Variants in LGI4 observed in about 807,000 individuals in gnomAD.
LGI4 encodes leucine-rich repeat LGI family member 4.
A neutral mutation model predicts 48.3 loss-of-function variants in LGI4; 36 were observed. The ratio of observed to expected loss-of-function variants is 0.75; its 90% CI spans 0.57 to 0.98. The LOEUF (loss-of-function observed/expected upper bound fraction) is 0.98, where lower values mean the gene tolerates loss of function less well. Among genes scored for constraint, LGI4 ranks in the 50% least tolerant of loss-of-function variants. LGI4 has a pLI of 0.00. For missense variants in LGI4, 701 were observed against 732.1 expected, an observed-to-expected ratio of 0.96 and a Z score of 0.49; for synonymous variants, 355 against 331.6, an observed-to-expected ratio of 1.07 and a Z score of -0.77.
chr19:35,127,793 G>T (rs1687999), intron 6 of LGI4, among the ~76,000 whole-genome samples: 93,419 of 152,084 alleles, frequency 0.61, 28,987 homozygotes, highest in South Asian at 0.71. Context: ...TACATTCTGT[G>T]ATGATTTCCC....
intron 8 of LGI4, 89 bp downstream of exon 8, chr19:35,126,181 T>G (rs1269731729): frequency 7.0e-7 from 1 of 1,422,356 alleles, no homozygotes; most frequent in African/African-American, 1.4e-5. Context: ...AAGGTCGGCA[T>G]GTGAGGGTAG....
intron 5 of LGI4, 64 bp downstream of exon 5, chr19:35,131,725 G>T: frequency 1.4e-6 from 2 of 1,427,936 alleles, no homozygotes; most frequent in Non-Finnish European, 1.9e-6. Context: ...AAGTGGGCAC[G>T]GATGCCCCCC....
At position 35,124,917 on chromosome 19, in the gene LGI4, C is replaced by T. The variant is rs894731499; in HGVS notation, c.*276G>A. ...CATGCAGTGCACCAGCCTGCACCCCCCAGGTTGCCTTTGATGGGGAATCTG... is the reference window on the plus strand; with the variant it reads ...CATGCAGTGCACCAGCCTGCACCCCTCAGGTTGCCTTTGATGGGGAATCTG... On this transcript the variant is annotated 3_prime_UTR_variant, in exon 9 of 9. Transcript: ENST00000310123. 46 of 330,278 alleles carry T rather than the reference C, an allele frequency of 1.4e-4. No homozygotes were observed. The highest frequency in any genetic ancestry group is 2.4e-4 in the Non-Finnish European group (44 of 181,154). The allele number at this position is 330,278 out of a possible 1,614,324, so 20.5% of individuals were successfully genotyped here. A position where few individuals can be genotyped will look rare whatever the true frequency, so the allele number is the denominator to read the frequency against.
intron 2 of LGI4, 45 bp from the exon 3 acceptor site, chr19:35,133,809 CATCT>C: frequency 1.3e-6 from 2 of 1,556,970 alleles, no homozygotes; most frequent in Non-Finnish European, 1.7e-6. Context: ...TTGCAGCCCC[CATCT>C]GACATTTTAA....
At chr19:35,131,661 T>A (rs1600475255) in intron 5 of LGI4, 106 bp from the exon 6 acceptor site, 1 of 1,444,054 alleles carries the variant, frequency 6.9e-7, no homozygotes, top group East Asian at 2.5e-5. Flanking sequence ...GGCCCCATAG[T>A]GGTAAGAAAA....
At chr19:35,130,067 C>T (rs1254987149) in intron 6 of LGI4, among the ~76,000 whole-genome samples, 3 of 152,144 alleles carry the variant, frequency 2.0e-5, no homozygotes, top group Non-Finnish European at 2.9e-5. Flanking sequence ...TTATTTATGA[C>T]ACAGAGTCCT....
rs1468516448 is a variant in LGI4 at position 35,133,774 on chromosome 19, G to A, written c.243-10C>T. 1 of 1,599,786 alleles carries A rather than the reference G, an allele frequency of 6.3e-7. No homozygotes were observed. Among genetic ancestry groups the A allele is most frequent in the South Asian group, 1.1e-5 (1 of 88,086 alleles). On this transcript the variant is annotated splice_polypyrimidine_tract_variant and intron_variant, in intron 2 of 8. Transcript: ENST00000310123. ...GTTGGAGGTGAAGAGGCTGGCAAGG[G>A]GGCAAGAAAGAAATTTTTCCAGAAT... is the stretch of plus-strand genomic sequence containing the variant.
intron 6 of LGI4, among the ~76,000 whole-genome samples, chr19:35,128,334 C>T (rs940218326): frequency 3.9e-5 from 6 of 152,178 alleles, no homozygotes; most frequent in African/African-American, 1.4e-4. Context: ...CAGGTGCCAG[C>T]GTTGAAGCAA....
At chr19:35,133,004 G>GACCC (rs2065185965) in intron 3 of LGI4, among the ~76,000 whole-genome samples, 4 of 151,840 alleles carry the variant, frequency 2.6e-5, no homozygotes, top group Non-Finnish European at 5.9e-5. Flanking sequence ...ATACTGTAAT[G>GACCC]ACCCACCCCC....
Position 35,125,322 on chromosome 19 carries a change from C to G in LGI4, c.1485G>C (p.Gly495=). 1 of 1,612,310 alleles carries G rather than the reference C, an allele frequency of 6.2e-7. No homozygotes were observed. The highest frequency in any genetic ancestry group is 1.3e-5 in the African/African-American group (1 of 74,996). ...CACGGGGGGCCACCAGGGCCGGAGG[C>G]CCCAGCTCCTGCAGTGGCTCCAGGA... ...KGLLEPLQEL[G]PPALVAPRAF... is the part of the protein sequence containing the mutation. The change falls in exon 9 of 9, where the codon GGG becomes GGC. Residue 495 remains glycine (G), a synonymous_variant. Coordinates refer to ENST00000310123, the MANE Select transcript of LGI4 (RefSeq NM_139284.3).
In LGI4 at chr19:35,125,281, G is replaced by A; in HGVS notation, c.1526C>T (p.Thr509Ile). The A allele has an allele frequency of 1.2e-6, 2 of 1,605,760 alleles. No homozygotes were observed. The highest frequency in any genetic ancestry group is 2.2e-5 in the East Asian group (1 of 44,666). ...AAAGAGGAAGCGTCTGCCGGCCATA[G>A]TGATGTGGGCAAAGGCACGGGGGGC... ...LVAPRAFAHI[T>I]MAGRRFLFAA... The change falls in exon 9 of 9, where the codon ACT becomes ATT. Residue 509 changes from threonine to isoleucine, a missense_variant. Transcript: ENST00000310123.
In LGI4 at chr19:35,125,130, G is replaced by A. The variant is rs193181955; in HGVS notation, c.*63C>T. 198 of 1,423,588 alleles carry A rather than the reference G, an allele frequency of 1.4e-4. No homozygotes were observed. Among genetic ancestry groups the A allele is most frequent in the South Asian group, 1.0e-3 (70 of 68,856 alleles). 88.2% of individuals were successfully genotyped at this position (1,423,588 alleles called of 1,614,324 possible). ...CAGGCGGGCCATCACCCCAAGTAGG[G>A]CCAGGAGCCAGCCAAGGGGCCGTCC... On this transcript the variant is annotated 3_prime_UTR_variant, in exon 9 of 9. Transcript: ENST00000310123.
rs775703768 is a variant in LGI4 at position 35,126,603 on chromosome 19, G to C, written c.966C>G (p.Leu322=). ...RRLLRPNDAE[L]LWLEGQPCFV... Reference sequence around the variant, plus strand: ...AGCAGGGTTGCCCTTCCAGCCACAGGAGCTCGGCGTCATTGGGCCGCAGCA... The same window carrying C: ...AGCAGGGTTGCCCTTCCAGCCACAGCAGCTCGGCGTCATTGGGCCGCAGCA... Residue 322 remains leucine, a synonymous_variant, in exon 8 of 9, where the codon CTC becomes CTG. Coordinates refer to ENST00000310123, the MANE Select transcript of LGI4 (RefSeq NM_139284.3). The C allele has an allele frequency of 7.3e-5, 112 of 1,542,126 alleles. 2 individuals carry two copies. In the South Asian group the frequency reaches 1.3e-3, roughly 18 times the overall value.
rs1207343679 is a variant in LGI4 at position 35,124,937 on chromosome 19, A to C, written c.*256T>G. 2 of 358,060 alleles carry C rather than the reference A, an allele frequency of 5.6e-6. No homozygotes were observed. The highest frequency in any genetic ancestry group is 4.3e-5 in the Admixed American group (1 of 23,082). 22.2% of individuals were successfully genotyped at this position (358,060 alleles called of 1,614,324 possible). A position where few individuals can be genotyped will look rare whatever the true frequency, so the allele number is the denominator to read the frequency against. ...ACCCCCCAGGTTGCCTTTGATGGGG[A>C]ATCTGCCCCAGCCGAGATGTCCAGA... On this transcript the variant is annotated 3_prime_UTR_variant, in exon 9 of 9. Coordinates refer to ENST00000310123, the MANE Select transcript of LGI4 (RefSeq NM_139284.3).
chr19:35,126,977 G>A lies in LGI4; in HGVS notation c.669C>T (p.Ser223=). 15 of 1,610,592 alleles carry A rather than the reference G, an allele frequency of 9.3e-6. No homozygotes were observed. Among genetic ancestry groups the A allele is most frequent in the Non-Finnish European group, 1.2e-5 (14 of 1,177,970 alleles). ...CCCCTTGGTAGGAGAAGGGCTCTACGCTCAGTGCCGACTCCCCCACCGTCT... is the reference window on the plus strand; with the variant it reads ...CCCCTTGGTAGGAGAAGGGCTCTACACTCAGTGCCGACTCCCCCACCGTCT... The part of the protein sequence containing the change: ...WFQTVGESAL[S]VEPFSYQGEP... The change falls in exon 7 of 9, where the codon AGC becomes AGT. Residue 223 remains serine (S), a synonymous_variant. Coordinates refer to ENST00000310123, the MANE Select transcript of LGI4 (RefSeq NM_139284.3).
At chr19:35,125,885 G>A in intron 8 of LGI4, 1 of 546,726 alleles carries the variant, frequency 1.8e-6, no homozygotes, top group Non-Finnish European at 3.4e-6. Flanking sequence ...ACCTGAGTCA[G>A]ATCAGGGCCC....
In LGI4 at chr19:35,125,093, G is replaced by A; in HGVS notation, c.*100C>T. 1.9e-6 allele frequency: 2 copies of A among 1,050,356 alleles called. No homozygotes were observed. Among genetic ancestry groups the A allele is most frequent in the East Asian group, 5.1e-5 (2 of 39,448 alleles). 65.1% of individuals were successfully genotyped at this position (1,050,356 alleles called of 1,614,324 possible). A position where few individuals can be genotyped will look rare whatever the true frequency, so the allele number is the denominator to read the frequency against. ...GTGTGGCTGATGAACGTGGCCCACG[G>A]TCAGCAGCTCACAGGCGGGCCATCA... On this transcript the variant is annotated 3_prime_UTR_variant, in exon 9 of 9. Coordinates refer to ENST00000310123, the MANE Select transcript of LGI4 (RefSeq NM_139284.3).
At chr19:35,134,372 A>G in intron 1 of LGI4, 139 bp downstream of exon 1, 1 of 913,742 alleles carries the variant, frequency 1.1e-6, no homozygotes, top group Non-Finnish European at 1.7e-6. Context: ...TCTTCAAGGC[A>G]TCCCGACAGG....
intron 5 of LGI4, 23 bp from the exon 6 acceptor site, chr19:35,131,578 G>T: frequency 1.3e-6 from 2 of 1,545,174 alleles, no homozygotes; most frequent in Non-Finnish European, 8.7e-7. Context: ...GCCAGGGAGG[G>T]GCTGCGACCC....
Sources: gnomAD v4.1 joint callset for allele counts (sites outside exome capture counted in the v4.1 genomes callset) on GRCh38, gnomAD v4.1.1 for gene constraint, MANE v1.5 for transcripts, NCBI Gene and HGNC (gene_info 2026-07-23, HGNC 2026-07-21) for gene names.